The following ACYP2 variants were observed in gnomAD, a reference collection of about 807,000 sequenced individuals.
ACYP2 encodes acylphosphatase 2, also known as acylphosphatase-2.
In ACYP2, 12 loss-of-function variants were observed where a neutral mutation model predicts 11.2. That is an observed-to-expected ratio of 1.08 (90% CI 0.69 to 1.74). The LOEUF (loss-of-function observed/expected upper bound fraction) is 1.74. Among genes scored for constraint, ACYP2 ranks in the 40% most tolerant of loss-of-function variants. The pLI is 0.00. For missense variants in ACYP2, 134 were observed against 101.9 expected (o/e 1.31, Z -1.35); for synonymous variants, 43 against 32.2 (o/e 1.33, Z -1.13).
chr2:54,164,185 C>T (rs973320882), intron 6 of ACYP2, among the ~76,000 whole-genome samples: 2 of 152,078 alleles, frequency 1.3e-5, no homozygotes, highest in African/African-American at 4.8e-5. Flanking sequence ...GGGAATGCTC[C>T]ATGGAAGAGA....
intron 6 of ACYP2, chr2:54,255,079 C>T: frequency 6.2e-7 from 1 of 1,614,132 alleles, no homozygotes. Flanking sequence ...CTCTGGAAGG[C>T]TGTGGTCTGA....
At chr2:54,003,108 A>C (rs556904054) in intron 2 of ACYP2, among the ~76,000 whole-genome samples, 2 of 150,180 alleles carry the variant, frequency 1.3e-5, no homozygotes, top group African/African-American at 4.9e-5. Flanking sequence ...GCCATCATGC[A>C]CAGCTAATTT....
At chr2:53,998,034 A>G (rs1672653710) in intron 2 of ACYP2, among the ~76,000 whole-genome samples, 1 of 152,086 alleles carries the variant, frequency 6.6e-6, no homozygotes. Context: ...ATACACGTGT[A>G]TTTGCATTTT....
intron 3 of ACYP2, among the ~76,000 whole-genome samples, chr2:54,052,174 G>GT (rs368803930): frequency 6.6e-6 from 1 of 151,812 alleles, no homozygotes; most frequent in African/African-American, 2.4e-5. Context: ...TTTTAGTGCA[G>GT]TTTTTTTTCT....
At chr2:54,147,986 T>TG (rs1325147106) in intron 6 of ACYP2, among the ~76,000 whole-genome samples, 4 of 152,142 alleles carry the variant, frequency 2.6e-5, no homozygotes, top group Non-Finnish European at 5.9e-5. Flanking sequence ...TGGAGGCAGA[T>TG]GGTTACTGGC....
chr2:54,043,712 C>T (rs183532135), intron 2 of ACYP2, among the ~76,000 whole-genome samples: 60 of 152,184 alleles, frequency 3.9e-4, no homozygotes, highest in African/African-American at 1.4e-3. Context: ...GGAGAACTAC[C>T]ATGCTGGTTA....
chr2:54,236,732 C>A (rs78283238), intron 6 of ACYP2, among the ~76,000 whole-genome samples: 1 of 152,124 alleles, frequency 6.6e-6, no homozygotes, highest in South Asian at 2.1e-4. Flanking sequence ...TTTTACATAT[C>A]GTTATAAATT....
intron 6 of ACYP2, among the ~76,000 whole-genome samples, chr2:54,297,041 T>C (rs1210927467): frequency 7.9e-5 from 12 of 152,044 alleles, no homozygotes. Flanking sequence ...GCTAAACTAA[T>C]AGGTAAAATA....
chr2:54,147,025 ACCTC>A (rs1304933189), intron 6 of ACYP2, among the ~76,000 whole-genome samples: 1 of 150,608 alleles, frequency 6.6e-6, no homozygotes, highest in Non-Finnish European at 1.5e-5. Context: ...CAAACTCCTG[ACCTC>A]AGGTGATCTG....
At chr2:54,055,727 G>C (rs1396295022) in intron 3 of ACYP2, among the ~76,000 whole-genome samples, 1 of 152,188 alleles carries the variant, frequency 6.6e-6, no homozygotes, top group Non-Finnish European at 1.5e-5. Flanking sequence ...CCTATCTGCT[G>C]TTCAACAAAT....
At chr2:54,033,504 T>G (rs1364250405) in intron 2 of ACYP2, among the ~76,000 whole-genome samples, 2 of 152,092 alleles carry the variant, frequency 1.3e-5, no homozygotes. Context: ...TGAGCCACAA[T>G]GCCTGGCCTA....
At chr2:54,175,078 T>G (rs1262095382) in intron 6 of ACYP2, among the ~76,000 whole-genome samples, 3 of 152,230 alleles carry the variant, frequency 2.0e-5, no homozygotes, top group African/African-American at 7.2e-5. Context: ...CTTTTTCTAT[T>G]GATTAGAATA....
intron 6 of ACYP2, among the ~76,000 whole-genome samples, chr2:54,291,018 A>G (rs575839244): frequency 1.4e-4 from 22 of 152,256 alleles, no homozygotes; most frequent in African/African-American, 5.1e-4. Flanking sequence ...AAGATGATCT[A>G]TTCTTGCTGT....
intron 6 of ACYP2, among the ~76,000 whole-genome samples, chr2:54,169,684 GT>G (rs1009913222): frequency 2.6e-5 from 4 of 151,538 alleles, no homozygotes; most frequent in Non-Finnish European, 4.4e-5. Flanking sequence ...GAAACTTACG[GT>G]TTTTTTTCCA....
chr2:54,036,129 CTG>C (rs1231309638), intron 2 of ACYP2, among the ~76,000 whole-genome samples: 2 of 152,130 alleles, frequency 1.3e-5, no homozygotes, highest in Non-Finnish European at 2.9e-5. Flanking sequence ...GGGTCTTGCT[CTG>C]TCACCCAGAC....
intron 2 of ACYP2, among the ~76,000 whole-genome samples, chr2:53,977,643 G>A (rs1671558862): frequency 6.6e-6 from 1 of 151,518 alleles, no homozygotes; most frequent in African/African-American, 2.4e-5. Context: ...GCTGCGGCAG[G>A]AGAATCGCTT....
chr2:54,005,351 T>TG (rs1673008784), intron 2 of ACYP2, among the ~76,000 whole-genome samples: 1 of 151,932 alleles, frequency 6.6e-6, no homozygotes, highest in African/African-American at 2.4e-5. Context: ...TATTTTTTTT[T>TG]TTTTTTGAGA....
chr2:54,126,551 A>G (rs887792396), intron 4 of ACYP2, among the ~76,000 whole-genome samples: 1 of 151,514 alleles, frequency 6.6e-6, no homozygotes, highest in Non-Finnish European at 1.5e-5. Context: ...ATACATACAC[A>G]ATACTAAGTC....
At chr2:54,019,380 A>C (rs182853549) in intron 2 of ACYP2, among the ~76,000 whole-genome samples, 202 of 149,530 alleles carry the variant, frequency 1.4e-3, no homozygotes, top group Non-Finnish European at 2.4e-3. Flanking sequence ...CCTTTATTTT[A>C]ATTTTATTTT....
Sources: allele counts gnomAD v4.1 joint callset (sites outside exome capture counted in the v4.1 genomes callset), GRCh38; gene constraint gnomAD v4.1.1; transcripts MANE v1.5; gene names NCBI Gene and HGNC (gene_info 2026-07-23, HGNC 2026-07-21).